LMO7: variants seen among roughly 807,000 people sequenced by gnomAD.
The protein encoded by LMO7 is LIM domain only protein 7.
In LMO7, 120 loss-of-function variants were observed where a neutral mutation model predicts 206.5. That is an observed-to-expected ratio of 0.58 (90% confidence interval 0.50 to 0.68). The LOEUF is 0.68. LMO7 is among the 30% of genes least tolerant of loss of function. LMO7 has a pLI of 0.00. For missense variants in LMO7, 1,959 were observed against 1,957.9 expected, an observed-to-expected ratio of 1.00 and a Z score of -0.01; for synonymous variants, 706 against 681.5, an observed-to-expected ratio of 1.04 and a Z score of -0.56.
intron 1 of LMO7, among the ~76,000 whole-genome samples, chr13:75,692,006 G>A (rs1309524033): frequency 6.6e-6 from 1 of 152,050 alleles, no homozygotes; most frequent in East Asian, 1.9e-4. Context: ...TCCTGGGGAG[G>A]CTTCACCTTT....
intron 3 of LMO7, among the ~76,000 whole-genome samples, chr13:75,750,917 C>G (rs761507354): frequency 6.6e-6 from 1 of 152,128 alleles, no homozygotes; most frequent in African/African-American, 2.4e-5. Flanking sequence ...GGTCCCATGT[C>G]TATAAATCAT....
chr13:75,827,255 G>A (rs2058203920), intron 15 of LMO7, among the ~76,000 whole-genome samples: 1 of 152,170 alleles, frequency 6.6e-6, no homozygotes, highest in African/African-American at 2.4e-5. Context: ...GTCCTTATTG[G>A]TGCTTTAGTG....
At chr13:75,681,718 G>GTATATATATATCTATA (rs2040515361) in intron 1 of LMO7, among the ~76,000 whole-genome samples, 1 of 104,580 alleles carries the variant, frequency 9.6e-6, no homozygotes. Flanking sequence ...ATATATATAT[G>GTATATATATATCTATA]TATATATATA....
In LMO7 at chr13:75,647,951, C is replaced by CTTTTTTTTTTTTTT. The variant is rs570513211; in HGVS notation, c.69+11230_69+11243dup. 4.1e-4 allele frequency among the ~76,000 whole-genome samples: 37 copies of CTTTTTTTTTTTTTT among 91,122 alleles called. 2 individuals carry two copies. The highest frequency in any genetic ancestry group is 5.5e-4 in the Non-Finnish European group (27 of 49,362). 59.8% of individuals were successfully genotyped at this position (91,122 alleles called of 152,430 possible). A position where few individuals can be genotyped will look rare whatever the true frequency, so the allele number is the denominator to read the frequency against. ...GATTTTCTCTTGTTTTCTTTTCTTT[C>CTTTTTTTTTTTTTT]TTTTTTTTTTTTTTTTTTGAGACAG... On this transcript the variant is annotated intron_variant, in intron 1 of 30. Transcript: ENST00000377534.
At chr13:75,783,197 C>T (rs2051820685) in intron 4 of LMO7, among the ~76,000 whole-genome samples, 1 of 152,174 alleles carries the variant, frequency 6.6e-6, no homozygotes, top group South Asian at 2.1e-4. Flanking sequence ...AAAATGGCAT[C>T]TAAAATGTGT....
chr13:75,813,514 G>A (rs1440808623), intron 11 of LMO7, among the ~76,000 whole-genome samples: 1 of 152,198 alleles, frequency 6.6e-6, no homozygotes, highest in Admixed American at 6.5e-5. Context: ...GCTTGTTGCA[G>A]TGCCTGGCTC....
intron 1 of LMO7, among the ~76,000 whole-genome samples, chr13:75,695,315 T>C (rs993247107): frequency 6.6e-6 from 1 of 152,176 alleles, no homozygotes; most frequent in Non-Finnish European, 1.5e-5. Context: ...TTCTGAACAT[T>C]TTCTGTGTCA....
intron 2 of LMO7, among the ~76,000 whole-genome samples, chr13:75,720,401 A>G (rs1006534081): frequency 2.0e-5 from 3 of 152,180 alleles, no homozygotes; most frequent in African/African-American, 7.2e-5. Context: ...CTAAAAAGTC[A>G]TTGTCAAACC....
At chr13:75,760,616 C>T (rs2048086658) in intron 3 of LMO7, 1 of 1,427,136 alleles carries the variant, frequency 7.0e-7, no homozygotes, top group Non-Finnish European at 9.1e-7. Flanking sequence ...GCAGAGCTGA[C>T]ATCAAAGTGT....
chr13:75,747,666 A>G (rs1038657620), intron 3 of LMO7, among the ~76,000 whole-genome samples: 1 of 152,174 alleles, frequency 6.6e-6, no homozygotes, highest in African/African-American at 2.4e-5. Context: ...ACCCACAGGG[A>G]CTTGTCTTTA....
At position 75,858,124 on chromosome 13, in the gene LMO7, G is replaced by T; in HGVS notation, c.*181G>T. ...TCTTGGTAGAACCAGTATTTTTGTT[G>T]TTTATTTATAAGGTAATTGTGTGTG... On this transcript the variant is annotated 3_prime_UTR_variant, in exon 31 of 31. Transcript: ENST00000377534. 1 of 549,482 alleles carries T rather than the reference G, an allele frequency of 1.8e-6. No homozygotes were observed. Among genetic ancestry groups the T allele is most frequent in the Admixed American group, 3.8e-5 (1 of 26,040 alleles). 34.0% of individuals were successfully genotyped at this position (549,482 alleles called of 1,614,324 possible). A position where few individuals can be genotyped will look rare whatever the true frequency, so the allele number is the denominator to read the frequency against.
intron 4 of LMO7, among the ~76,000 whole-genome samples, chr13:75,787,605 G>A (rs2052639880): frequency 6.6e-6 from 1 of 152,210 alleles, no homozygotes; most frequent in Non-Finnish European, 1.5e-5. Context: ...AGTAAGTACA[G>A]AAATCGTCAG....
At chr13:75,833,898 A>G (rs999432024) in intron 16 of LMO7, among the ~76,000 whole-genome samples, 9 of 152,128 alleles carry the variant, frequency 5.9e-5, no homozygotes, top group Non-Finnish European at 1.2e-4. Context: ...TGGAAGCTCA[A>G]TTAAAATGCA....
chr13:75,834,325 C>G lies in LMO7; in HGVS notation c.3164C>G (p.Ala1055Gly). 6.2e-7 allele frequency: 1 copy of G among 1,610,930 alleles called. No individual in the cohort carries two copies. The highest frequency in any genetic ancestry group is 8.5e-7 in the Non-Finnish European group (1 of 1,178,452). Residue 1055 changes from alanine to glycine, a missense_variant, in exon 17 of 31, where the codon GCC becomes GGC. Ala to Gly is a moderately conservative substitution (Grantham distance 60). Coordinates refer to ENST00000377534, the MANE Select transcript of LMO7 (RefSeq NM_001306080.2). ...SYNDSKEWEE[A>G]MAKAQETGHL... ...AACGATTCAAAAGAGTGGGAGGAAGCCATGGCTAAGGCTCAAGAAACTGGA... is the reference window on the plus strand; with the variant it reads ...AACGATTCAAAAGAGTGGGAGGAAGGCATGGCTAAGGCTCAAGAAACTGGA...
At chr13:75,681,732 A>ATATATATATATATG (rs1445185950) in intron 1 of LMO7, among the ~76,000 whole-genome samples, 2 of 135,282 alleles carry the variant, frequency 1.5e-5, no homozygotes, top group African/African-American at 5.4e-5. Flanking sequence ...ATATATATAT[A>ATATATATATATATG]TATATATATA....
intron 7 of LMO7, 40 bp downstream of exon 7, chr13:75,800,922 T>C (rs772473572): frequency 1.3e-6 from 2 of 1,582,584 alleles, no homozygotes; most frequent in African/African-American, 1.3e-5. Flanking sequence ...TGTTCACATA[T>C]TAAGGGAGAA....
At chr13:75,681,706 G>GTGTGTGTATATATA (rs1259746833) in intron 1 of LMO7, among the ~76,000 whole-genome samples, 1 of 93,328 alleles carries the variant, frequency 1.1e-5, no homozygotes, top group African/African-American at 3.6e-5. Context: ...GTATGTATGT[G>GTGTGTGTATATATA]TATATATATA....
At chr13:75,776,952 G>A (rs543941939) in intron 4 of LMO7, among the ~76,000 whole-genome samples, 1 of 152,192 alleles carries the variant, frequency 6.6e-6, no homozygotes, top group Admixed American at 6.5e-5. Flanking sequence ...GAGCTGGAAG[G>A]TACTAAGGAC....
intron 12 of LMO7, among the ~76,000 whole-genome samples, chr13:75,818,444 A>G (rs78670379): frequency 1.3e-3 from 203 of 152,210 alleles, no homozygotes; most frequent in African/African-American, 4.6e-3. Flanking sequence ...CTGGAATGCC[A>G]CTAACAGTTC....
Sources: gnomAD v4.1 joint callset for allele counts (sites outside exome capture counted in the v4.1 genomes callset) on GRCh38, gnomAD v4.1.1 for gene constraint, MANE v1.5 for transcripts, NCBI Gene and HGNC (gene_info 2026-07-23, HGNC 2026-07-21) for gene names.